The following CLVS1 variants were observed in gnomAD, a reference collection of about 807,000 sequenced individuals.
The protein encoded by CLVS1 is clavesin-1.
Under a neutral mutation model 33.1 loss-of-function variants are expected in CLVS1, and 10 were observed. The observed-to-expected ratio is 0.30, with a 90% confidence interval of 0.19 to 0.51. The LOEUF (loss-of-function observed/expected upper bound fraction) is 0.51. Among genes scored for constraint, CLVS1 ranks in the 20% least tolerant of loss-of-function variants. CLVS1 has a pLI of 0.97. For missense variants in CLVS1, 343 were observed against 433.4 expected (o/e 0.79, Z 1.85); for synonymous variants, 163 against 166.1 (o/e 0.98, Z 0.14).
intron 4 of CLVS1, among the ~76,000 whole-genome samples, chr8:61,456,115 G>A (rs1308041167): frequency 6.6e-6 from 1 of 152,186 alleles, no homozygotes; most frequent in African/African-American, 2.4e-5. Flanking sequence ...TCCCACGGTG[G>A]ACACTTGCTG....
At chr8:61,110,861 T>C (rs113269046) in intron 1 of CLVS1, among the ~76,000 whole-genome samples, 118 of 152,352 alleles carry the variant, frequency 7.7e-4, no homozygotes, top group African/African-American at 2.5e-3. Context: ...CATGTTGTAG[T>C]CAGAATTTCC....
chr8:61,047,842 A>G, the CLVS1 span, among the ~76,000 whole-genome samples: 2 of 152,188 alleles, frequency 1.3e-5, 1 homozygote, highest in South Asian at 4.1e-4. Context: ...ACCTAATGCT[A>G]AATGACGAGT....
At chr8:61,028,354 T>C in the CLVS1 span, among the ~76,000 whole-genome samples, 1 of 152,218 alleles carries the variant, frequency 6.6e-6, no homozygotes, top group Non-Finnish European at 1.5e-5. Context: ...ATAGATTAAT[T>C]AATGCTGAAT....
chr8:61,303,649 G>A (rs957804642), intron 2 of CLVS1, among the ~76,000 whole-genome samples: 7 of 152,286 alleles, frequency 4.6e-5, no homozygotes, highest in Non-Finnish European at 1.0e-4. Context: ...AATATTCGAT[G>A]CAAACAAGCC....
intron 2 of CLVS1, among the ~76,000 whole-genome samples, chr8:61,352,464 G>A (rs1278482918): frequency 6.6e-6 from 1 of 152,002 alleles, no homozygotes; most frequent in African/African-American, 2.4e-5. Flanking sequence ...AATGCCAGTA[G>A]TCTAAGAGAC....
chr8:61,424,514 T>C (rs1457188672), intron 3 of CLVS1, among the ~76,000 whole-genome samples: 2 of 152,238 alleles, frequency 1.3e-5, no homozygotes, highest in African/African-American at 4.8e-5. Flanking sequence ...AACTAAGTAG[T>C]AGTCTATGTA....
intron 1 of CLVS1, among the ~76,000 whole-genome samples, chr8:61,083,758 G>A (rs73685713): frequency 0.066 from 9,961 of 152,010 alleles, 353 homozygotes; most frequent in Middle Eastern, 0.12. Context: ...AATTTCAGAA[G>A]AAGAAAAAAG....
intron 5 of CLVS1, among the ~76,000 whole-genome samples, chr8:61,472,528 A>C (rs752766458): frequency 3.9e-5 from 6 of 152,196 alleles, no homozygotes; most frequent in South Asian, 2.1e-4. Context: ...AAGGAATAAG[A>C]CATGGTCTTT....
intron 3 of CLVS1, among the ~76,000 whole-genome samples, chr8:61,390,449 T>G (rs1814258654): frequency 6.6e-6 from 1 of 152,200 alleles, no homozygotes; most frequent in Non-Finnish European, 1.5e-5. Flanking sequence ...TAGGATAAAC[T>G]TCTGGAGGTG....
chr8:61,112,209 C>CACACACACACAT (rs141923511), intron 1 of CLVS1, among the ~76,000 whole-genome samples: 2,423 of 145,744 alleles, frequency 0.017, 128 homozygotes, highest in African/African-American at 0.051. Flanking sequence ...CACACACACA[C>CACACACACACAT]ACACACACAC....
chr8:61,304,244 A>G (rs1810535278), intron 2 of CLVS1, among the ~76,000 whole-genome samples: 1 of 152,190 alleles, frequency 6.6e-6, no homozygotes, highest in Non-Finnish European at 1.5e-5. Flanking sequence ...CTGGACCCAG[A>G]CACATGGACA....
At chr8:61,163,190 C>T (rs555814308) in intron 2 of CLVS1, among the ~76,000 whole-genome samples, 1 of 152,144 alleles carries the variant, frequency 6.6e-6, no homozygotes, top group African/African-American at 2.4e-5. Flanking sequence ...GCACAGACAC[C>T]AGCCTTAACC....
intron 2 of CLVS1, among the ~76,000 whole-genome samples, chr8:61,369,316 T>G (rs562694727): frequency 6.6e-6 from 1 of 152,348 alleles, no homozygotes; most frequent in South Asian, 2.1e-4. Flanking sequence ...AACACAATTT[T>G]TTTTCTTTCT....
At chr8:61,237,968 C>T (rs949115313) in intron 2 of CLVS1, among the ~76,000 whole-genome samples, 6 of 152,114 alleles carry the variant, frequency 3.9e-5, no homozygotes, top group African/African-American at 1.4e-4. Context: ...AATACTGAGG[C>T]ATCCAAGCCG....
chr8:61,195,042 A>G (rs1807574314), intron 2 of CLVS1, among the ~76,000 whole-genome samples: 1 of 151,934 alleles, frequency 6.6e-6, no homozygotes, highest in South Asian at 2.1e-4. Context: ...TATATATCAA[A>G]ACATGCGGGA....
chr8:61,486,013 G>T (rs1212441301), intron 5 of CLVS1, among the ~76,000 whole-genome samples: 2 of 152,062 alleles, frequency 1.3e-5, no homozygotes, highest in African/African-American at 4.8e-5. Context: ...GAGTTAATGG[G>T]TGCTGCATAC....
intron 1 of CLVS1, among the ~76,000 whole-genome samples, chr8:61,067,505 T>G (rs946073791): frequency 1.1e-4 from 17 of 149,918 alleles, no homozygotes; most frequent in African/African-American, 3.7e-4. Context: ...AATATATAAT[T>G]ATAAGTACGA....
intron 2 of CLVS1, among the ~76,000 whole-genome samples, chr8:61,260,005 G>A (rs563256613): frequency 3.3e-5 from 5 of 152,244 alleles, no homozygotes; most frequent in East Asian, 1.9e-4. Context: ...CCCTTCACAC[G>A]TGTTGCCTCT....
chr8:61,393,082 A>T (rs941276789), intron 3 of CLVS1, among the ~76,000 whole-genome samples: 2 of 151,712 alleles, frequency 1.3e-5, no homozygotes, highest in Admixed American at 6.6e-5. Context: ...GGGTTTCTCC[A>T]TGTTGGTCAG....
Sources: gnomAD v4.1 joint callset for allele counts (sites outside exome capture counted in the v4.1 genomes callset) on GRCh38, gnomAD v4.1.1 for gene constraint, MANE v1.5 for transcripts, NCBI Gene and HGNC (gene_info 2026-07-23, HGNC 2026-07-21) for gene names.